Variants in FBXL3 observed in about 807,000 individuals in gnomAD.
FBXL3 encodes F-box/LRR-repeat protein 3.
A neutral mutation model predicts 37.9 loss-of-function variants in FBXL3; 14 were observed. The ratio of observed to expected loss-of-function variants is 0.37; its 90% confidence interval spans 0.24 to 0.58. FBXL3 has a LOEUF of 0.58. Ranked by LOEUF, FBXL3 falls within the 20% of genes least tolerant of loss-of-function variation. The pLI is 0.74. For missense variants in FBXL3, 327 were observed against 511.1 expected, an observed-to-expected ratio of 0.64 and a Z score of 3.47; for synonymous variants, 194 against 180.1, an observed-to-expected ratio of 1.08 and a Z score of -0.62.
At chr13:77,020,271 A>C (rs1347698118) in intron 2 of FBXL3, among the ~76,000 whole-genome samples, 3 of 152,242 alleles carry the variant, frequency 2.0e-5, no homozygotes, top group African/African-American at 7.2e-5. Flanking sequence ...AAAATTATTC[A>C]TTGATTATCC....
chr13:77,026,447 G>A, intron 1 of FBXL3: 29 of 855,834 alleles, frequency 3.4e-5, no homozygotes, highest in Non-Finnish European at 4.1e-5. Flanking sequence ...GGGCGTAGCC[G>A]ACGCCGGGAG....
At chr13:77,011,623 T>G (rs915106729) in intron 4 of FBXL3, among the ~76,000 whole-genome samples, 1 of 150,070 alleles carries the variant, frequency 6.7e-6, no homozygotes, top group Non-Finnish European at 1.5e-5. Context: ...CTTGGGAGGC[T>G]GAGGTGAGAA....
rs1300827414 is a variant in FBXL3 at position 77,005,557 on chromosome 13, A to G, written c.*1588T>C. On this transcript the variant is annotated 3_prime_UTR_variant, in exon 5 of 5. Coordinates refer to ENST00000355619, the MANE Select transcript of FBXL3 (RefSeq NM_012158.4). ...ATTTAGAAGGAGGGGATATATTACT[A>G]TAATTGCTGTTAATTTTCGAATCTA... 6.6e-6 allele frequency: 1 copy of G among 152,602 alleles called. No homozygotes were observed. The highest frequency in any genetic ancestry group is 1.9e-4 in the East Asian group (1 of 5,188). 9.5% of individuals were successfully genotyped at this position (152,602 alleles called of 1,614,324 possible).
rs2034450620 is a variant in FBXL3 at position 77,006,290 on chromosome 13, A to C, written c.*855T>G. 1 of 152,164 alleles carries C rather than the reference A, an allele frequency of 6.6e-6. No individual in the cohort carries two copies. Among genetic ancestry groups the C allele is most frequent in the South Asian group, 2.1e-4 (1 of 4,834 alleles). 9.4% of individuals were successfully genotyped at this position (152,164 alleles called of 1,614,324 possible). ...TATATTTATTTAAATTTGGCTTTTT[A>C]AAATAGGTAAGCTTTTCATTTCAAT... On this transcript the variant is annotated 3_prime_UTR_variant, in exon 5 of 5. Transcript: ENST00000355619.
intron 3 of FBXL3, chr13:77,016,440 C>T (rs1247095365): frequency 6.6e-6 from 1 of 151,944 alleles, no homozygotes; most frequent in Non-Finnish European, 1.5e-5. Context: ...TTCCTCTCTA[C>T]AAAACCAACT....
At chr13:77,011,071 G>A (rs1188656314) in intron 4 of FBXL3, 1 of 152,254 alleles carries the variant, frequency 6.6e-6, no homozygotes, top group Admixed American at 6.5e-5. Flanking sequence ...TGGGTGCAGT[G>A]GCTTACACCT....
At chr13:77,020,908 T>TA (rs1444780398) in intron 2 of FBXL3, among the ~76,000 whole-genome samples, 4 of 152,192 alleles carry the variant, frequency 2.6e-5, no homozygotes, top group Admixed American at 1.3e-4. Flanking sequence ...TATGATTTCT[T>TA]AAATTATTCT....
chr13:77,021,696 G>T lies in FBXL3; in HGVS notation c.165C>A (p.Asp55Glu), dbSNP rs777558812. ...LQVFKYLPLL[D>E]RAHASQVCRN... Reference sequence around the variant, plus strand: ...GGCAAACTTGTGAAGCATGAGCCCGGTCAAGAAGAGGCAAATATTTAAATA... The same window carrying T: ...GGCAAACTTGTGAAGCATGAGCCCGTTCAAGAAGAGGCAAATATTTAAATA... Residue 55 changes from aspartate (D) to glutamate (E), a missense_variant, in exon 2 of 5, where the codon GAC (aspartate) becomes GAA (glutamate). Transcript: ENST00000355619. The T allele has an allele frequency of 6.2e-7, 1 of 1,614,036 alleles. No individual in the cohort carries two copies. Among genetic ancestry groups the T allele is most frequent in the Non-Finnish European group, 8.5e-7 (1 of 1,180,008 alleles).
At chr13:77,009,337 T>G (rs1253837881) in intron 4 of FBXL3, 2 of 152,220 alleles carry the variant, frequency 1.3e-5, no homozygotes, top group Non-Finnish European at 2.9e-5. Context: ...TATACTTTAT[T>G]TTTGTTTTGA....
chr13:77,022,575 C>G (rs1442317604), intron 1 of FBXL3, among the ~76,000 whole-genome samples: 1 of 152,214 alleles, frequency 6.6e-6, no homozygotes, highest in Non-Finnish European at 1.5e-5. Flanking sequence ...CTGCCACGGA[C>G]AGGCACTGGG....
chr13:77,020,663 A>G lies in FBXL3; in HGVS notation c.348+850T>C, dbSNP rs575920420. Among the ~76,000 whole-genome samples the G allele has an allele frequency of 1.8e-4, 28 of 151,980 alleles. 1 individual carries two copies. Among genetic ancestry groups the G allele is most frequent in the African/African-American group, 6.8e-4 (28 of 41,438 alleles). On this transcript the variant is annotated intron_variant, in intron 2 of 4. Coordinates refer to ENST00000355619, the MANE Select transcript of FBXL3 (RefSeq NM_012158.4). ...AAAATCTGGTGTTTAAAGATCCAGT[A>G]AACATGTCCATATTTCATTATTCAT...
intron 3 of FBXL3, chr13:77,016,876 T>C (rs2034652928): frequency 6.6e-6 from 1 of 152,206 alleles, no homozygotes; most frequent in South Asian, 2.1e-4. Context: ...ACTTTTTCCC[T>C]ACTGTGATTA....
At chr13:77,017,758 C>T (rs966765813) in intron 3 of FBXL3, 13 of 152,086 alleles carry the variant, frequency 8.5e-5, no homozygotes, top group Middle Eastern at 3.2e-3. Flanking sequence ...TTGACATCAA[C>T]TGGTGATTTA....
At chr13:77,016,527 T>C (rs1476915511) in intron 3 of FBXL3, 1 of 151,762 alleles carries the variant, frequency 6.6e-6, no homozygotes. Flanking sequence ...CAAGAAAGTA[T>C]AATGAAACAT....
chr13:77,022,498 G>A (rs887833467), intron 1 of FBXL3, among the ~76,000 whole-genome samples: 2 of 152,208 alleles, frequency 1.3e-5, no homozygotes, highest in African/African-American at 2.4e-5. Context: ...TCTAGGTTGT[G>A]CGCTCCTTAT....
In FBXL3 at chr13:77,007,744, C is replaced by A. The variant is rs199748270; in HGVS notation, c.688G>T (p.Ala230Ser). The stretch of plus-strand genomic sequence containing the variant: ...TCACTCAATAAGTGGTAGTTCAGGG[C>A]TAGTTCTCTTAAGCCGTGACACTGA... ...ADQCHGLREL[A>S]LNYHLLSDEL... The change falls in exon 5 of 5, where the codon GCC (alanine) becomes TCC (serine). Residue 230 changes from alanine (A) to serine (S), a missense_variant. Coordinates refer to ENST00000355619, the MANE Select transcript of FBXL3 (RefSeq NM_012158.4). 6.2e-7 allele frequency: 1 copy of A among 1,612,628 alleles called. No homozygotes were observed. Among genetic ancestry groups the A allele is most frequent in the Non-Finnish European group, 8.5e-7 (1 of 1,179,136 alleles).
At chr13:77,018,893 C>G (rs536807602) in intron 2 of FBXL3, 171 bp from the exon 3 acceptor site, 127 of 544,912 alleles carry the variant, frequency 2.3e-4, no homozygotes, top group African/African-American at 2.1e-3. Flanking sequence ...AAAGAATATT[C>G]TTTCAATCAT....
At chr13:77,026,709 GCCCCGGCCCCCGCGCCC>G (rs2034846570) in intron 1 of FBXL3, 101 bp downstream of exon 1, 1 of 110,356 alleles carries the variant, frequency 9.1e-6, no homozygotes, top group African/African-American at 3.4e-5. Flanking sequence ...GCCCGCGCGC[GCCCCGGCCCCCGCGCCC>G]CCCCCCACCC....
At chr13:77,023,556 G>T (rs1267790369) in intron 1 of FBXL3, among the ~76,000 whole-genome samples, 1 of 151,872 alleles carries the variant, frequency 6.6e-6, no homozygotes, top group African/African-American at 2.4e-5. Context: ...CCGTGTAATC[G>T]GACTTTTTGG....
Sources: gnomAD v4.1 joint callset for allele counts (sites outside exome capture counted in the v4.1 genomes callset) on GRCh38, gnomAD v4.1.1 for gene constraint, MANE v1.5 for transcripts, NCBI Gene and HGNC (gene_info 2026-07-23, HGNC 2026-07-21) for gene names.